Variants in DOCK2 observed in about 807,000 individuals in gnomAD.
DOCK2 encodes the protein dedicator of cytokinesis 2, also known as dedicator of cytokinesis protein 2.
In DOCK2, 87 loss-of-function variants were observed where a neutral mutation model predicts 248.9. That is an observed-to-expected ratio of 0.35 (90% CI 0.29 to 0.42). The LOEUF (loss-of-function observed/expected upper bound fraction) is 0.42, where lower values mean the gene tolerates loss of function less well. Ranked by LOEUF, DOCK2 falls within the 10% of genes least tolerant of loss-of-function variation. DOCK2 has a pLI of 1.00. For missense variants in DOCK2, 1,747 were observed against 2,300.2 expected (o/e 0.76, Z 4.92); for synonymous variants, 805 against 821.6 (o/e 0.98, Z 0.35).
intron 26 of DOCK2, among the ~76,000 whole-genome samples, chr5:169,803,846 G>C (rs1413180375): frequency 2.6e-5 from 4 of 152,154 alleles, no homozygotes; most frequent in African/African-American, 9.7e-5. Flanking sequence ...AAGCCAGATG[G>C]GGTGGTGAAG....
At chr5:169,761,044 T>C (rs1764457372) in intron 24 of DOCK2, among the ~76,000 whole-genome samples, 1 of 152,250 alleles carries the variant, frequency 6.6e-6, no homozygotes. Context: ...TTAAGACTTA[T>C]CATAAAGCAT....
chr5:169,715,753 A>G (rs974483531), intron 19 of DOCK2, among the ~76,000 whole-genome samples: 1 of 152,074 alleles, frequency 6.6e-6, no homozygotes, highest in African/African-American at 2.4e-5. Flanking sequence ...CACTTTTAGC[A>G]TTATAGTAGA....
At chr5:169,836,404 A>G (rs1287120498) in intron 26 of DOCK2, among the ~76,000 whole-genome samples, 1 of 150,890 alleles carries the variant, frequency 6.6e-6, no homozygotes, top group African/African-American at 2.4e-5. Context: ...AGCAGCAAAC[A>G]TCACATTTTA....
chr5:170,042,372 C>T (rs912521335), intron 38 of DOCK2, among the ~76,000 whole-genome samples: 1 of 152,170 alleles, frequency 6.6e-6, no homozygotes, highest in South Asian at 2.1e-4. Context: ...TCCACTACCC[C>T]CAACAGATCA....
chr5:169,867,574 T>C (rs1186470129), intron 27 of DOCK2, among the ~76,000 whole-genome samples: 1 of 152,028 alleles, frequency 6.6e-6, no homozygotes, highest in Non-Finnish European at 1.5e-5. Flanking sequence ...TTATCTATCA[T>C]CTATCTGTCA....
chr5:170,033,326 ATT>A (rs1210767837), intron 34 of DOCK2, among the ~76,000 whole-genome samples: 1 of 152,204 alleles, frequency 6.6e-6, no homozygotes, highest in Non-Finnish European at 1.5e-5. Flanking sequence ...TTACATTTTT[ATT>A]TTTGTTTTTA....
chr5:170,080,349 G>A, intron 50 of DOCK2, 66 bp downstream of exon 50: 1 of 1,598,498 alleles, frequency 6.3e-7, no homozygotes, highest in Non-Finnish European at 8.5e-7. Flanking sequence ...CTTGTGGGTG[G>A]AGGATGGATG....
At chr5:169,699,764 TGTC>T (rs1445085795) in intron 12 of DOCK2, among the ~76,000 whole-genome samples, 1 of 152,258 alleles carries the variant, frequency 6.6e-6, no homozygotes, top group Admixed American at 6.5e-5. Context: ...AGATAGGTGT[TGTC>T]ATCCTCACTT....
At chr5:170,038,847 G>T (rs866744291) in intron 36 of DOCK2, among the ~76,000 whole-genome samples, 40 of 152,228 alleles carry the variant, frequency 2.6e-4, no homozygotes, top group African/African-American at 8.7e-4. Context: ...CCCCTGGGCT[G>T]CTCTCCCCAG....
intron 27 of DOCK2, among the ~76,000 whole-genome samples, chr5:169,974,599 C>A (rs1777647097): frequency 6.6e-6 from 1 of 152,094 alleles, no homozygotes; most frequent in Non-Finnish European, 1.5e-5. Flanking sequence ...CACATGTTTG[C>A]AGGAAAGAGT....
chr5:169,877,072 A>G (rs1772375006), intron 27 of DOCK2, among the ~76,000 whole-genome samples: 1 of 152,214 alleles, frequency 6.6e-6, no homozygotes, highest in South Asian at 2.1e-4. Flanking sequence ...GAGGTTGTCC[A>G]GATAACTGAC....
intron 2 of DOCK2, among the ~76,000 whole-genome samples, chr5:169,665,508 T>G (rs1039040240): frequency 2.6e-5 from 4 of 152,128 alleles, no homozygotes; most frequent in Non-Finnish European, 4.4e-5. Flanking sequence ...TTCAGACATT[T>G]GTTTTTAAGA....
chr5:170,048,849 T>C (rs1370081540), intron 40 of DOCK2, among the ~76,000 whole-genome samples: 1 of 152,212 alleles, frequency 6.6e-6, no homozygotes, highest in Admixed American at 6.5e-5. Flanking sequence ...TGTGAGCCTA[T>C]GGTTCAACTC....
intron 32 of DOCK2, among the ~76,000 whole-genome samples, chr5:170,016,094 C>G (rs187250280): frequency 6.6e-6 from 1 of 152,104 alleles, no homozygotes; most frequent in Non-Finnish European, 1.5e-5. Context: ...CCACCCACAC[C>G]CCCCTGAGCT....
intron 23 of DOCK2, among the ~76,000 whole-genome samples, chr5:169,756,037 C>T (rs1213945730): frequency 6.6e-6 from 1 of 152,176 alleles, no homozygotes; most frequent in Non-Finnish European, 1.5e-5. Flanking sequence ...AACCACAGGC[C>T]TGCCACTTCT....
chr5:169,878,203 C>T (rs530348860), intron 27 of DOCK2, among the ~76,000 whole-genome samples: 2 of 152,228 alleles, frequency 1.3e-5, no homozygotes, highest in Admixed American at 1.3e-4. Flanking sequence ...ACCTCGTGCC[C>T]TTGAGAAGGT....
intron 26 of DOCK2, among the ~76,000 whole-genome samples, chr5:169,825,827 A>C (rs1449775344): frequency 6.8e-6 from 1 of 146,396 alleles, no homozygotes; most frequent in Non-Finnish European, 1.5e-5. Context: ...CATAACATTA[A>C]AAAAAAAAGA....
intron 27 of DOCK2, among the ~76,000 whole-genome samples, chr5:169,894,623 AGTTTGCAAAAG>A (rs1773489908): frequency 6.6e-6 from 1 of 152,210 alleles, no homozygotes; most frequent in South Asian, 2.1e-4. Context: ...TGGCACAAGC[AGTTTGCAAAAG>A]CGCATGACTG....
intron 27 of DOCK2, among the ~76,000 whole-genome samples, chr5:169,846,593 TATATACACACAC>T (rs1332160983): frequency 2.2e-4 from 27 of 120,210 alleles, no homozygotes; most frequent in Admixed American, 1.8e-3. Context: ...TGTATATATA[TATATACACACAC>T]ATATACACAC....
Sources: gnomAD v4.1 joint callset for allele counts (sites outside exome capture counted in the v4.1 genomes callset) on GRCh38, gnomAD v4.1.1 for gene constraint, MANE v1.5 for transcripts, NCBI Gene and HGNC (gene_info 2026-07-23, HGNC 2026-07-21) for gene names.